Variants in NIPBL observed in about 807,000 individuals in gnomAD.
The protein encoded by NIPBL is nipped-B-like protein.
Under a neutral mutation model 321.8 loss-of-function variants are expected in NIPBL, and 19 were observed. The ratio of observed to expected loss-of-function variants is 0.06; its 90% confidence interval spans 0.04 to 0.09. The LOEUF is 0.09. NIPBL is among the 10% of genes least tolerant of loss of function. NIPBL has a pLI of 1.00. For missense variants in NIPBL, 2,210 were observed against 3,327.0 expected, an observed-to-expected ratio of 0.66 and a Z score of 8.26; for synonymous variants, 1,106 against 1,114.1, an observed-to-expected ratio of 0.99 and a Z score of 0.14.
intron 1 of NIPBL, among the ~76,000 whole-genome samples, chr5:36,914,663 C>T (rs1298412323): frequency 5.3e-5 from 8 of 152,164 alleles, no homozygotes; most frequent in African/African-American, 1.9e-4. Context: ...ATTTGAAAAT[C>T]CGAAATTTGA....
At chr5:37,032,887 A>G (rs1162671544) in intron 32 of NIPBL, among the ~76,000 whole-genome samples, 1 of 152,192 alleles carries the variant, frequency 6.6e-6, no homozygotes, top group Admixed American at 6.5e-5. Flanking sequence ...TAATATTAAG[A>G]TGGTGTAAAA....
chr5:36,982,145 T>C (rs1744221110), intron 9 of NIPBL: 1 of 726,196 alleles, frequency 1.4e-6, no homozygotes. Flanking sequence ...TGATAATCCT[T>C]TTGTATGCAT....
rs147393282 is a variant in NIPBL, at chr5:37,032,100, T to A, written c.5863-4279T>A. The stretch of plus-strand genomic sequence containing the variant: ...CTTAATTCATCAGTAACTCTGAGGG[T>A]AGAGCCCATCATTCTGTATTTTAAC... On this transcript the variant is annotated intron_variant, in intron 32 of 46. Coordinates refer to ENST00000282516, the MANE Select transcript of NIPBL (RefSeq NM_133433.4). 2.6e-5 allele frequency among the ~76,000 whole-genome samples: 4 copies of A among 152,268 alleles called. No individual in the cohort carries two copies. In the East Asian group the frequency reaches 7.7e-4, roughly 29 times the overall value.
intron 32 of NIPBL, among the ~76,000 whole-genome samples, chr5:37,035,279 A>C (rs1002752545): frequency 3.3e-5 from 5 of 152,252 alleles, no homozygotes; most frequent in African/African-American, 1.2e-4. Flanking sequence ...AGAAAAGACC[A>C]AACTAGAATG....
Position 37,046,136 on chromosome 5 carries a change from C to T in NIPBL, c.6526C>T (p.Leu2176=). 6.4e-7 allele frequency: 1 copy of T among 1,562,366 alleles called. No homozygotes were observed. Among genetic ancestry groups the T allele is most frequent in the East Asian group, 2.2e-5 (1 of 44,464 alleles). Residue 2176 remains leucine, a synonymous_variant, in exon 38 of 47, where the codon CTA becomes TTA. Transcript: ENST00000282516. ...TAACATAAAAGATAAAGTACTTGAA[C>T]TATTGATGTATTTTACAAAACACTC... ...KVNIKDKVLE[L]LMYFTKHSDE...
At chr5:37,027,214 G>A in intron 31 of NIPBL, 145 bp from the exon 32 acceptor site, 1 of 664,742 alleles carries the variant, frequency 1.5e-6, no homozygotes, top group South Asian at 1.8e-5. Flanking sequence ...GTAAATGGTT[G>A]TGTTACTGAA....
chr5:36,968,144 A>T (rs1742447023), intron 6 of NIPBL, among the ~76,000 whole-genome samples: 1 of 151,784 alleles, frequency 6.6e-6, no homozygotes, highest in African/African-American at 2.4e-5. Context: ...CAGTGTTATC[A>T]ACCTATATGA....
At chr5:36,942,060 G>A (rs979782168) in intron 1 of NIPBL, among the ~76,000 whole-genome samples, 2 of 151,930 alleles carry the variant, frequency 1.3e-5, no homozygotes, top group African/African-American at 2.4e-5. Flanking sequence ...TCTGTAAATC[G>A]AACTATTTAA....
chr5:36,904,483 C>T (rs1386339340), intron 1 of NIPBL, among the ~76,000 whole-genome samples: 1 of 151,946 alleles, frequency 6.6e-6, no homozygotes, highest in East Asian at 1.9e-4. Flanking sequence ...AACAAACAAG[C>T]AGTTATGTAT....
chr5:36,911,052 T>C (rs1282494063), intron 1 of NIPBL, among the ~76,000 whole-genome samples: 1 of 152,208 alleles, frequency 6.6e-6, no homozygotes, highest in Non-Finnish European at 1.5e-5. Flanking sequence ...TTTAAAAAAA[T>C]ATCTAGACTA....
chr5:37,052,419 C>T lies in NIPBL; in HGVS notation c.7116C>T (p.Asn2372=). 6.2e-7 allele frequency: 1 copy of T among 1,614,030 alleles called. No individual in the cohort carries two copies. The highest frequency in any genetic ancestry group is 8.5e-7 in the Non-Finnish European group (1 of 1,179,954). The change falls in exon 42 of 47, where the codon AAC becomes AAT. Residue 2372 remains asparagine (N), a synonymous_variant. Transcript: ENST00000282516. ...KMSYQVQQAI[N]TCLKDPVRGF... The stretch of plus-strand genomic sequence containing the variant: ...CTTACCAGGTACAACAGGCAATCAA[C>T]ACATGCCTAAAAGATCCTGTAAGGG...
chr5:36,931,256 C>CT (rs899018624), intron 1 of NIPBL, among the ~76,000 whole-genome samples: 59 of 150,428 alleles, frequency 3.9e-4, no homozygotes, highest in Admixed American at 1.0e-3. Context: ...GAAGAATTTC[C>CT]TTTTTTTTTA....
At chr5:36,910,609 G>A (rs769109478) in intron 1 of NIPBL, among the ~76,000 whole-genome samples, 2 of 152,234 alleles carry the variant, frequency 1.3e-5, no homozygotes, top group East Asian at 1.9e-4. Context: ...ATTTCCAGCC[G>A]TGGAGAGTAT....
At chr5:37,034,993 TA>T (rs1751522180) in intron 32 of NIPBL, among the ~76,000 whole-genome samples, 1 of 152,140 alleles carries the variant, frequency 6.6e-6, no homozygotes, top group Non-Finnish European at 1.5e-5. Context: ...TGCCGTTAAA[TA>T]AAAGACCAAG....
chr5:37,038,560 T>G (rs1751977964), intron 33 of NIPBL, 42 bp from the exon 34 acceptor site: 1 of 1,588,654 alleles, frequency 6.3e-7, no homozygotes, highest in Non-Finnish European at 8.6e-7. Flanking sequence ...TTCCACTACC[T>G]TGTCATATTT....
chr5:36,877,693 T>C (rs1745200343), intron 1 of NIPBL, among the ~76,000 whole-genome samples: 1 of 152,220 alleles, frequency 6.6e-6, no homozygotes, highest in Non-Finnish European at 1.5e-5. Context: ...AGGGAGGAAG[T>C]AGTTTCAGTT....
chr5:36,936,543 C>G (rs2149577831), intron 1 of NIPBL, among the ~76,000 whole-genome samples: 1 of 152,226 alleles, frequency 6.6e-6, no homozygotes, highest in Middle Eastern at 3.4e-3. Context: ...GATGAAATTG[C>G]CTAATGGTAC....
intron 1 of NIPBL, among the ~76,000 whole-genome samples, chr5:36,897,971 T>C (rs1713128676): frequency 6.6e-6 from 1 of 151,672 alleles, no homozygotes; most frequent in South Asian, 2.1e-4. Flanking sequence ...CAGATAATAT[T>C]GTGATTTAAA....
At chr5:37,000,090 C>G (rs1255849417) in intron 11 of NIPBL, among the ~76,000 whole-genome samples, 1 of 152,092 alleles carries the variant, frequency 6.6e-6, no homozygotes, top group Non-Finnish European at 1.5e-5. Flanking sequence ...AATAACTGTC[C>G]TTGAAGTGAA....
Sources: allele counts gnomAD v4.1 joint callset (sites outside exome capture counted in the v4.1 genomes callset), GRCh38; gene constraint gnomAD v4.1.1; transcripts MANE v1.5; gene names NCBI Gene and HGNC (gene_info 2026-07-23, HGNC 2026-07-21).